Variants in SLC25A48 observed in about 807,000 individuals in gnomAD.
SLC25A48 encodes solute carrier family 25 member 48.
SLC25A48 carries 29 observed loss-of-function variants against 32.2 expected under a neutral mutation model. The ratio of observed to expected loss-of-function variants is 0.90; its 90% CI spans 0.67 to 1.23. The LOEUF (loss-of-function observed/expected upper bound fraction) is 1.23. SLC25A48 is among the 50% of genes most tolerant of loss of function. The pLI, the probability that SLC25A48 is intolerant of heterozygous loss-of-function variation, is 0.00. For synonymous variants in SLC25A48, 164 were observed against 172.3 expected, an observed-to-expected ratio of 0.95 and a Z score of 0.38; for missense variants, 399 against 422.7, an observed-to-expected ratio of 0.94 and a Z score of 0.49.
chr5:135,874,398 G>T (rs1393601968), intron 6 of SLC25A48, among the ~76,000 whole-genome samples: 1 of 152,214 alleles, frequency 6.6e-6, no homozygotes, highest in Non-Finnish European at 1.5e-5. Context: ...ACCTGCCGCA[G>T]CCACACAGCT....
chr5:135,814,059 T>A (rs1459471823), intron 4 of SLC25A48, among the ~76,000 whole-genome samples: 2 of 152,098 alleles, frequency 1.3e-5, no homozygotes, highest in African/African-American at 4.8e-5. Context: ...TTTGGGGATA[T>A]TTTCCCCCCA....
intron 3 of SLC25A48, among the ~76,000 whole-genome samples, chr5:135,779,521 C>CACACGCACTCTAAT (rs1425596801): frequency 9.1e-5 from 11 of 120,546 alleles, no homozygotes; most frequent in South Asian, 2.8e-4. Flanking sequence ...AGGGGGTGTA[C>CACACGCACTCTAAT]ATGCCCCCCT....
At chr5:135,753,389 C>A (rs1455823878) in intron 3 of SLC25A48, among the ~76,000 whole-genome samples, 1 of 151,864 alleles carries the variant, frequency 6.6e-6, no homozygotes, top group African/African-American at 2.4e-5. Context: ...GTATCACGGG[C>A]TGTACACACA....
chr5:135,647,504 T>C (rs1054472749), intron 3 of SLC25A48, among the ~76,000 whole-genome samples: 2 of 152,074 alleles, frequency 1.3e-5, no homozygotes, highest in Non-Finnish European at 2.9e-5. Flanking sequence ...ATCTCTGTAA[T>C]CTGGGGAGAT....
At chr5:135,631,590 G>A (rs540884419) in intron 2 of SLC25A48, among the ~76,000 whole-genome samples, 1 of 152,294 alleles carries the variant, frequency 6.6e-6, no homozygotes, top group Non-Finnish European at 1.5e-5. Context: ...CCCAACAAAT[G>A]GCTAATTTTC....
chr5:135,834,206 C>A (rs1236286280), upstream of SLC25A48, among the ~76,000 whole-genome samples: 1 of 152,176 alleles, frequency 6.6e-6, no homozygotes, highest in Non-Finnish European at 1.5e-5. Flanking sequence ...TGGCCCAGGG[C>A]GGACAGTGTA....
rs1489289832 is a variant in SLC25A48 at position 135,779,743 on chromosome 5, G to T, written c.-520-32780G>T. Among the ~76,000 whole-genome samples the T allele has an allele frequency of 3.4e-5, 4 of 117,546 alleles. 1 individual carries two copies. The highest frequency in any genetic ancestry group is 1.0e-4 in the African/African-American group (4 of 38,648). 77.1% of individuals were successfully genotyped at this position (117,546 alleles called of 152,430 possible). A position where few individuals can be genotyped will look rare whatever the true frequency, so the allele number is the denominator to read the frequency against. On this transcript the variant is annotated intron_variant, in intron 3 of 10. Coordinates refer to the SLC25A48 transcript ENST00000646290. ...TAATATTAATCCCAATATCTCAGGG[G>T]TTCTACACCCCCTTTGTAATACTGG...
At chr5:135,781,471 G>A (rs1442523869) in intron 3 of SLC25A48, among the ~76,000 whole-genome samples, 1 of 117,386 alleles carries the variant, frequency 8.5e-6, no homozygotes, top group African/African-American at 2.6e-5. Context: ...TCCAGGAAGG[G>A]AGAGGATGAT....
chr5:135,598,777 A>G (rs1162840596), intron 1 of SLC25A48, among the ~76,000 whole-genome samples: 1 of 124,216 alleles, frequency 8.1e-6, no homozygotes, highest in Non-Finnish European at 1.7e-5. Flanking sequence ...TAACATTTAA[A>G]TGCATTAAAA....
intron 3 of SLC25A48, among the ~76,000 whole-genome samples, chr5:135,682,679 G>A (rs1753925249): frequency 2.0e-5 from 3 of 152,102 alleles, no homozygotes; most frequent in Admixed American, 6.5e-5. Context: ...GCTGGGTGGG[G>A]CTCTGAGCTA....
At chr5:135,584,256 C>T (rs569149927) in intron 1 of SLC25A48, among the ~76,000 whole-genome samples, 4 of 152,348 alleles carry the variant, frequency 2.6e-5, no homozygotes, top group African/African-American at 9.6e-5. Context: ...CCCTTACAGG[C>T]AAGCATCTTT....
chr5:135,882,475 C>T (rs76271800), intron 7 of SLC25A48, among the ~76,000 whole-genome samples: 20,060 of 152,034 alleles, frequency 0.13, 1,489 homozygotes, highest in African/African-American at 0.19. Context: ...TAAGAAGTGG[C>T]GGGATGGGGA....
At chr5:135,795,335 C>A (rs534159070) in intron 3 of SLC25A48, among the ~76,000 whole-genome samples, 8 of 151,808 alleles carry the variant, frequency 5.3e-5, no homozygotes, top group African/African-American at 1.7e-4. Flanking sequence ...AGGGTTTACA[C>A]CCCCCATGAT....
chr5:135,779,856 A>G (rs1756677221), intron 3 of SLC25A48, among the ~76,000 whole-genome samples: 1 of 116,750 alleles, frequency 8.6e-6, no homozygotes, highest in South Asian at 3.1e-4. Flanking sequence ...CCTAATATCC[A>G]GGAAGGGGGA....
Position 135,606,046 on chromosome 5 carries a change from G to GA in SLC25A48, c.-848-23181dup, listed in dbSNP as rs948248969. ...AGAACAATTTCAGCCCTAGGGGAAA[G>GA]AAAAAAAAAATCTGGCCTTTCAGCA... On this transcript the variant is annotated intron_variant, in intron 1 of 10. Coordinates refer to the SLC25A48 transcript ENST00000646290. Among the ~76,000 whole-genome samples the GA allele has an allele frequency of 4.6e-3, 697 of 149,922 alleles. 4 individuals carry two copies. Among genetic ancestry groups the GA allele is most frequent in the African/African-American group, 0.016 (643 of 41,012 alleles).
At chr5:135,706,341 T>C (rs1298754687) in intron 3 of SLC25A48, among the ~76,000 whole-genome samples, 1 of 152,186 alleles carries the variant, frequency 6.6e-6, no homozygotes, top group African/African-American at 2.4e-5. Flanking sequence ...AGGATCTCAG[T>C]GCTCAGGCAA....
chr5:135,799,238 C>T (rs1757261549), intron 3 of SLC25A48, among the ~76,000 whole-genome samples: 1 of 151,736 alleles, frequency 6.6e-6, no homozygotes, highest in Non-Finnish European at 1.5e-5. Flanking sequence ...TAAACCCCTT[C>T]TGTGATATTG....
intron 4 of SLC25A48, among the ~76,000 whole-genome samples, chr5:135,854,995 G>A (rs970353426): frequency 6.6e-6 from 1 of 152,216 alleles, no homozygotes; most frequent in Non-Finnish European, 1.5e-5. Flanking sequence ...CCTGAGGAGA[G>A]GGAGAGAGAT....
intron 3 of SLC25A48, among the ~76,000 whole-genome samples, chr5:135,773,350 A>G (rs1461913207): frequency 6.6e-6 from 1 of 151,404 alleles, no homozygotes; most frequent in Non-Finnish European, 1.5e-5. Context: ...CACCTTGGAT[A>G]TTATGAACAA....
Sources: gnomAD v4.1 joint callset for allele counts (sites outside exome capture counted in the v4.1 genomes callset) on GRCh38, gnomAD v4.1.1 for gene constraint, MANE v1.5 for transcripts, NCBI Gene and HGNC (gene_info 2026-07-23, HGNC 2026-07-21) for gene names.